The following ARHGAP44 variants were observed in gnomAD, a reference collection of about 807,000 sequenced individuals.
ARHGAP44 encodes the protein Rho GTPase activating protein 44, also known as rho GTPase-activating protein 44.
Under a neutral mutation model 106.8 loss-of-function variants are expected in ARHGAP44, and 43 were observed. That is an observed-to-expected ratio of 0.40 (90% CI 0.32 to 0.52). The LOEUF (loss-of-function observed/expected upper bound fraction) is 0.52, where lower values mean the gene tolerates loss of function less well. ARHGAP44 is among the 20% of genes least tolerant of loss of function. The probability of loss-of-function intolerance (pLI) is 0.48; values close to 1 mark genes in which losing one functional copy is unlikely to be tolerated. For synonymous variants in ARHGAP44, 439 were observed against 410.3 expected, an observed-to-expected ratio of 1.07 and a Z score of -0.85; for missense variants, 866 against 1,050.5, an observed-to-expected ratio of 0.82 and a Z score of 2.43.
At chr17:12,857,012 C>G (rs990698513) in intron 1 of ARHGAP44, among the ~76,000 whole-genome samples, 13 of 152,126 alleles carry the variant, frequency 8.5e-5, no homozygotes, top group Admixed American at 8.5e-4. Context: ...AAATTTCTCT[C>G]TTCCCACCTC....
At chr17:12,846,778 C>T (rs2035582611) in intron 1 of ARHGAP44, among the ~76,000 whole-genome samples, 1 of 152,232 alleles carries the variant, frequency 6.6e-6, no homozygotes, top group African/African-American at 2.4e-5. Context: ...AGACTATTGA[C>T]AGTTACTTCA....
chr17:12,814,233 G>GTTTTT (rs1171216133), intron 1 of ARHGAP44, among the ~76,000 whole-genome samples: 1 of 136,642 alleles, frequency 7.3e-6, no homozygotes. Context: ...TCCCAAACTG[G>GTTTTT]TGTTTTTTTT....
At chr17:12,973,971 G>C in intron 17 of ARHGAP44, 118 bp from the exon 18 acceptor site, 1 of 1,094,146 alleles carries the variant, frequency 9.1e-7, no homozygotes, top group Non-Finnish European at 1.3e-6. Context: ...CGGGCCCCCG[G>C]GGTGCTAAAG....
chr17:12,903,126 G>GGGGAGAGAGA (rs2037436440), intron 3 of ARHGAP44, among the ~76,000 whole-genome samples: 1 of 70,702 alleles, frequency 1.4e-5, no homozygotes, highest in African/African-American at 6.5e-5. Context: ...GAGAGAGAGA[G>GGGGAGAGAGA]GAGAGAGAGA....
At chr17:12,930,324 C>G (rs986805064) in intron 7 of ARHGAP44, among the ~76,000 whole-genome samples, 1 of 151,974 alleles carries the variant, frequency 6.6e-6, no homozygotes, top group African/African-American at 2.4e-5. Context: ...ACTTCCGTCT[C>G]CCAGGTTGAA....
chr17:12,869,001 A>C (rs1452643149), intron 1 of ARHGAP44, among the ~76,000 whole-genome samples: 4 of 152,102 alleles, frequency 2.6e-5, no homozygotes, highest in Non-Finnish European at 5.9e-5. Context: ...AAAGAGCATA[A>C]AATTATTTGG....
At chr17:12,846,686 C>G (rs1380883697) in intron 1 of ARHGAP44, among the ~76,000 whole-genome samples, 2 of 152,210 alleles carry the variant, frequency 1.3e-5, no homozygotes, top group African/African-American at 4.8e-5. Flanking sequence ...GAGACATCTT[C>G]AAATGCCAGG....
chr17:12,880,035 C>G (rs2036679373), intron 1 of ARHGAP44, among the ~76,000 whole-genome samples: 2 of 151,948 alleles, frequency 1.3e-5, no homozygotes. Flanking sequence ...TAAATGAACT[C>G]ATGTTGTCTG....
chr17:12,873,015 A>C lies in ARHGAP44; in HGVS notation c.54-21925A>C, dbSNP rs564350663. On this transcript the variant is annotated intron_variant, in intron 1 of 20. Coordinates refer to ENST00000379672, the MANE Select transcript of ARHGAP44 (RefSeq NM_014859.6). Reference sequence around the variant, plus strand: ...TTTCCCCTCCTCTCTGTTGTCCCCTAATTCCCATGAGGTGACTTTCCTTTC... The same window carrying C: ...TTTCCCCTCCTCTCTGTTGTCCCCTCATTCCCATGAGGTGACTTTCCTTTC... 2.0e-5 allele frequency among the ~76,000 whole-genome samples: 3 copies of C among 152,204 alleles called. No homozygotes were observed. The South Asian group carries it at 6.2e-4, about 32-fold the overall frequency.
At chr17:12,893,885 A>G (rs76004682) in intron 1 of ARHGAP44, among the ~76,000 whole-genome samples, 4,604 of 152,178 alleles carry the variant, frequency 0.03, 97 homozygotes, top group Non-Finnish European at 0.044. Context: ...GAGAAATGTG[A>G]AGGACAACAC....
intron 1 of ARHGAP44, among the ~76,000 whole-genome samples, chr17:12,872,242 C>T (rs1243000299): frequency 6.6e-6 from 1 of 152,130 alleles, no homozygotes; most frequent in Non-Finnish European, 1.5e-5. Context: ...TGCCTTCATA[C>T]CTTCCAATTT....
chr17:12,883,595 A>G (rs2036800212), intron 1 of ARHGAP44, among the ~76,000 whole-genome samples: 1 of 152,036 alleles, frequency 6.6e-6, no homozygotes, highest in Non-Finnish European at 1.5e-5. Context: ...TCCTAACAGT[A>G]ATTCTTTTTG....
chr17:12,901,960 GCT>G (rs1332077632), intron 3 of ARHGAP44, among the ~76,000 whole-genome samples: 3 of 148,222 alleles, frequency 2.0e-5, no homozygotes, highest in Non-Finnish European at 4.4e-5. Flanking sequence ...GCAGCTGTCA[GCT>G]CTTTCTGAAC....
intron 1 of ARHGAP44, among the ~76,000 whole-genome samples, chr17:12,890,117 A>G (rs9914365): frequency 0.21 from 31,874 of 151,910 alleles, 4,280 homozygotes; most frequent in East Asian, 0.44. Context: ...CCCTGTCCCC[A>G]TGGCTCCACT....
intron 1 of ARHGAP44, among the ~76,000 whole-genome samples, chr17:12,831,450 C>T (rs972023426): frequency 4.6e-5 from 7 of 152,126 alleles, no homozygotes; most frequent in Non-Finnish European, 1.0e-4. Context: ...GACTCAGCTT[C>T]GTTTGTACAG....
chr17:12,875,879 G>A (rs983333287), intron 1 of ARHGAP44, among the ~76,000 whole-genome samples: 1 of 152,220 alleles, frequency 6.6e-6, no homozygotes, highest in African/African-American at 2.4e-5. Context: ...GGGAGGTGGA[G>A]TTTGCAGTGA....
chr17:12,905,069 T>TG (rs2037507520), intron 3 of ARHGAP44, among the ~76,000 whole-genome samples: 1 of 81,610 alleles, frequency 1.2e-5, no homozygotes, highest in Non-Finnish European at 2.1e-5. Context: ...ACTTGGCTAA[T>TG]TTTTTTTTTT....
At chr17:12,903,356 T>C (rs1396717454) in intron 3 of ARHGAP44, among the ~76,000 whole-genome samples, 2 of 152,106 alleles carry the variant, frequency 1.3e-5, no homozygotes, top group Non-Finnish European at 2.9e-5. Flanking sequence ...ATTCTCAAGG[T>C]TCTATCTGCA....
chr17:12,895,199 G>T (rs796150346), intron 2 of ARHGAP44, among the ~76,000 whole-genome samples: 2 of 108,278 alleles, frequency 1.8e-5, no homozygotes, highest in Non-Finnish European at 4.4e-5. Context: ...GCCATCCCTC[G>T]ATGTGGTTAA....
Sources: gnomAD v4.1 joint callset for allele counts (sites outside exome capture counted in the v4.1 genomes callset) on GRCh38, gnomAD v4.1.1 for gene constraint, MANE v1.5 for transcripts, NCBI Gene and HGNC (gene_info 2026-07-23, HGNC 2026-07-21) for gene names.